Variants in PROC observed in about 807,000 individuals in gnomAD.
PROC encodes the protein vitamin K-dependent protein C.
Under a neutral mutation model 36.3 loss-of-function variants are expected in PROC, and 22 were observed. The observed-to-expected ratio is 0.61, with a 90% CI of 0.43 to 0.86. The LOEUF is 0.86. PROC is among the 40% of genes least tolerant of loss of function. The pLI, the probability that PROC is intolerant of heterozygous loss-of-function variation, is 0.00. For missense variants in PROC, 526 were observed against 629.7 expected (o/e 0.84, Z 1.76); for synonymous variants, 218 against 244.5 (o/e 0.89, Z 1.01).
In PROC at chr2:127,429,028, G is replaced by A. The variant is rs1274150728; in HGVS notation, c.*82G>A. ...CATGTAACAAGCACACCGGCCTGCT[G>A]TTCTGTCCTTCCATCCCTCTTTTGG... is the stretch of plus-strand genomic sequence containing the variant. On this transcript the variant is annotated 3_prime_UTR_variant, in exon 9 of 9. Coordinates refer to ENST00000234071, the MANE Select transcript of PROC (RefSeq NM_000312.4). The A allele has an allele frequency of 6.7e-7, 1 of 1,498,386 alleles. No individual in the cohort carries two copies. The highest frequency in any genetic ancestry group is 9.3e-7 in the Non-Finnish European group (1 of 1,079,848). 92.8% of individuals were successfully genotyped at this position (1,498,386 alleles called of 1,614,324 possible). A position where few individuals can be genotyped will look rare whatever the true frequency, so the allele number is the denominator to read the frequency against.
At chr2:127,423,495 G>T (rs577550298) in intron 6 of PROC, 87 bp downstream of exon 6, 1 of 1,494,264 alleles carries the variant, frequency 6.7e-7, no homozygotes, top group Non-Finnish European at 8.9e-7. Context: ...GGGGGGCTCA[G>T]GAGGGTTTCT....
chr2:127,419,319 C>G (rs1217660197), intron 1 of PROC, among the ~76,000 whole-genome samples: 1 of 152,202 alleles, frequency 6.6e-6, no homozygotes, highest in African/African-American at 2.4e-5. Flanking sequence ...CATAATATCT[C>G]ATGTTTACTG....
At position 127,423,050 on chromosome 2, in the gene PROC, G is replaced by T. The variant is rs771415643; in HGVS notation, c.279G>T (p.Leu93Phe). 2.5e-6 allele frequency: 4 copies of T among 1,612,386 alleles called. No individual in the cohort carries two copies. In the East Asian group the frequency reaches 6.7e-5, roughly 27 times the overall value. The change falls in exon 5 of 9, where the codon TTG becomes TTT. Residue 93 changes from leucine (L) to phenylalanine (F), a missense_variant. Physicochemically the swap from Leu to Phe is conservative, Grantham distance 22. Transcript: ENST00000234071. ...GTGTCGCAGACGGTGACCAGTGCTT[G>T]GTCTTGCCCTTGGAGCACCCGTGCG... ...WSKHVDGDQC[L>F]VLPLEHPCAS...
chr2:127,425,560 T>A (rs1457109048), intron 6 of PROC, among the ~76,000 whole-genome samples: 1 of 152,214 alleles, frequency 6.6e-6, no homozygotes, highest in African/African-American at 2.4e-5. Context: ...TGTGAGGAGC[T>A]CAGCAGCATC....
intron 3 of PROC, 141 bp downstream of exon 3, chr2:127,421,590 G>C: frequency 1.0e-6 from 1 of 963,978 alleles, no homozygotes; most frequent in South Asian, 1.4e-5. Flanking sequence ...TAGGATGCTG[G>C]CCCTATGATG....
At chr2:127,421,498 A>G (rs765621455) in intron 3 of PROC, 49 bp downstream of exon 3, 1 of 1,607,608 alleles carries the variant, frequency 6.2e-7, no homozygotes, top group East Asian at 2.2e-5. Flanking sequence ...CGAGCTGGTA[A>G]CCAGCAGGGG....
intron 8 of PROC, among the ~76,000 whole-genome samples, chr2:127,427,569 G>T (rs1386285863): frequency 3.3e-5 from 5 of 152,154 alleles, no homozygotes; most frequent in African/African-American, 9.7e-5. Context: ...GACCAGCAAG[G>T]CCTGGCCTCA....
At chr2:127,419,651 A>T in intron 1 of PROC, 1 of 602,858 alleles carries the variant, frequency 1.7e-6, no homozygotes, top group Non-Finnish European at 2.8e-6. Flanking sequence ...CAGCCACCCC[A>T]CTGTCCCCAG....
chr2:127,425,183 T>C (rs1430770147), intron 6 of PROC, among the ~76,000 whole-genome samples: 1 of 152,196 alleles, frequency 6.6e-6, no homozygotes, highest in African/African-American at 2.4e-5. Context: ...TATGGTTCCG[T>C]GGTCCAGTCC....
chr2:127,421,189 G>T, intron 2 of PROC, 94 bp from the exon 3 acceptor site: 1 of 1,353,146 alleles, frequency 7.4e-7, no homozygotes, highest in Non-Finnish European at 1.1e-6. Context: ...GACCTTCCCA[G>T]GCTCTCCCAG....
chr2:127,419,871 C>A (rs1687984153), intron 1 of PROC, 51 bp from the exon 2 acceptor site: 1 of 1,612,902 alleles, frequency 6.2e-7, no homozygotes, highest in Non-Finnish European at 8.5e-7. Context: ...GGGGTGCAGG[C>A]AGAGCAGCAG....
rs1687918433 is a variant in PROC at position 127,418,970 on chromosome 2, T to G, written c.-22+478T>G. ...AGCACCTGGTGGTTTGGGGCAGGGG[T>G]TGAATTTCCAGGCCTAAAACCACAC... On this transcript the variant is annotated intron_variant, in intron 1 of 8. Transcript: ENST00000234071. The surrounding 1 kb of genome is among the most constrained non-coding windows in gnomAD (Gnocchi z 4.8). Among the ~76,000 whole-genome samples the G allele has an allele frequency of 6.6e-6, 1 of 151,856 alleles. No individual in the cohort carries two copies. The highest frequency in any genetic ancestry group is 2.1e-4 in the South Asian group (1 of 4,804).
At chr2:127,424,147 C>G (rs988086029) in intron 6 of PROC, among the ~76,000 whole-genome samples, 2 of 152,026 alleles carry the variant, frequency 1.3e-5, no homozygotes, top group Non-Finnish European at 2.9e-5. Flanking sequence ...GTTTTATTGT[C>G]TCTTCTATTT....
intron 1 of PROC, 191 bp from the exon 2 acceptor site, chr2:127,419,731 C>T: frequency 7.4e-7 from 1 of 1,345,986 alleles, no homozygotes; most frequent in Non-Finnish European, 1.0e-6. Context: ...GCAGTGTGAG[C>T]TCAGCCCCAC....
In PROC at chr2:127,423,381, G is replaced by A; in HGVS notation, c.508G>A (p.Asp170Asn). 6.4e-7 allele frequency: 1 copy of A among 1,550,586 alleles called. No homozygotes were observed. Among genetic ancestry groups the A allele is most frequent in the Non-Finnish European group, 8.7e-7 (1 of 1,147,290 alleles). ...CSCAPGYKLG[D>N]DLLQCHPAVK... ...CTGTGCGCCTGGCTACAAGCTGGGG[G>A]ACGACCTCCTGCAGTGTCACCCCGC... The change falls in exon 6 of 9, where the codon GAC (aspartate) becomes AAC (asparagine). Residue 170 changes from aspartate (D) to asparagine (N), a missense_variant. By Grantham distance (23) the Asp-to-Asn change is conservative. Transcript: ENST00000234071.
At chr2:127,425,505 C>T (rs1688434497) in intron 6 of PROC, among the ~76,000 whole-genome samples, 2 of 152,182 alleles carry the variant, frequency 1.3e-5, no homozygotes, top group African/African-American at 4.8e-5. Flanking sequence ...ATTGTAGGAG[C>T]TCTCCAAGAA....
At chr2:127,424,132 C>A (rs1688323200) in intron 6 of PROC, among the ~76,000 whole-genome samples, 1 of 152,056 alleles carries the variant, frequency 6.6e-6, no homozygotes, top group Non-Finnish European at 1.5e-5. Context: ...GACCTCTTTC[C>A]TCTAGTTTTA....
At chr2:127,421,562 G>C (rs1380440959) in intron 3 of PROC, 113 bp downstream of exon 3, 12 of 1,270,902 alleles carry the variant, frequency 9.4e-6, no homozygotes, top group Non-Finnish European at 1.2e-5. Context: ...AGTTGTGGGG[G>C]TGGCTGAGTG....
intron 3 of PROC, among the ~76,000 whole-genome samples, chr2:127,421,650 A>C (rs1688099825): frequency 6.6e-6 from 1 of 152,178 alleles, no homozygotes; most frequent in Non-Finnish European, 1.5e-5. Context: ...AAGAAGCTCC[A>C]GGAAAGAGTG....
Sources: gnomAD v4.1 joint callset for allele counts (sites outside exome capture counted in the v4.1 genomes callset) on GRCh38, gnomAD v4.1.1 for gene constraint, Gnocchi (gnomAD v3.1) non-coding constraint, MANE v1.5 for transcripts, NCBI Gene and HGNC (gene_info 2026-07-23, HGNC 2026-07-21) for gene names.